Variants in IQGAP2 observed in about 807,000 individuals in gnomAD.
IQGAP2 encodes the protein IQ motif containing GTPase activating protein 2, also known as ras GTPase-activating-like protein IQGAP2.
Under a neutral mutation model 201.3 loss-of-function variants are expected in IQGAP2, and 173 were observed. That is an observed-to-expected ratio of 0.86 (90% confidence interval 0.76 to 0.98). The LOEUF is 0.98. Ranked by LOEUF, IQGAP2 falls within the 50% of genes least tolerant of loss-of-function variation. The pLI is 0.00. For synonymous variants in IQGAP2, 675 were observed against 673.9 expected (o/e 1.00, Z -0.03); for missense variants, 1,687 against 1,864.8 (o/e 0.90, Z 1.76).
intron 2 of IQGAP2, among the ~76,000 whole-genome samples, chr5:76,505,436 T>C (rs554545000): frequency 1.3e-5 from 2 of 152,340 alleles, no homozygotes; most frequent in South Asian, 4.1e-4. Context: ...TATTTGATTT[T>C]ACTGATAAAA....
At chr5:76,668,295 AAT>A (rs1426213797) in intron 22 of IQGAP2, among the ~76,000 whole-genome samples, 1 of 152,130 alleles carries the variant, frequency 6.6e-6, no homozygotes, top group Non-Finnish European at 1.5e-5. Context: ...AAGTAGATAT[AAT>A]ATGTTAAGTG....
In IQGAP2 at chr5:76,655,271, AT is replaced by A. The variant is rs5868834; in HGVS notation, c.2320+279del. On this transcript the variant is annotated intron_variant, in intron 20 of 35. Transcript: ENST00000274364. Reference sequence around the variant, plus strand: ...GAGAGTGGAGTTGGCATAAATGCTGATTTTTTTTTTTCAATCTAAGCGAGAG... The same window carrying A: ...GAGAGTGGAGTTGGCATAAATGCTGATTTTTTTTTTCAATCTAAGCGAGAG... Among the ~76,000 whole-genome samples the A allele has an allele frequency of 7.4e-4, 112 of 150,752 alleles. 1 individual carries two copies. Among genetic ancestry groups the A allele is most frequent in the African/African-American group, 2.1e-3 (86 of 41,110 alleles).
intron 5 of IQGAP2, among the ~76,000 whole-genome samples, chr5:76,580,068 G>A (rs1745734837): frequency 6.6e-6 from 1 of 152,142 alleles, no homozygotes; most frequent in South Asian, 2.1e-4. Context: ...GTGAGGTCAG[G>A]AGTTTAAGAT....
intron 2 of IQGAP2, among the ~76,000 whole-genome samples, chr5:76,466,261 G>A (rs1754771492): frequency 6.6e-6 from 1 of 152,152 alleles, no homozygotes; most frequent in African/African-American, 2.4e-5. Flanking sequence ...AGATCACTCA[G>A]GAGGCTGAGG....
intron 13 of IQGAP2, among the ~76,000 whole-genome samples, chr5:76,623,936 C>CTTTTTTTTT (rs368076875): frequency 6.0e-5 from 6 of 100,772 alleles, no homozygotes; most frequent in Non-Finnish European, 9.4e-5. Context: ...TTTGTTCAGG[C>CTTTTTTTTT]TTTTTTTTTT....
At chr5:76,609,588 G>A (rs1469502606) in intron 12 of IQGAP2, among the ~76,000 whole-genome samples, 1 of 152,042 alleles carries the variant, frequency 6.6e-6, no homozygotes, top group East Asian at 1.9e-4. Context: ...TGTCAAGCTG[G>A]AGATACTTTT....
intron 2 of IQGAP2, among the ~76,000 whole-genome samples, chr5:76,561,273 T>G (rs2150252522): frequency 6.6e-6 from 1 of 152,360 alleles, no homozygotes; most frequent in Non-Finnish European, 1.5e-5. Flanking sequence ...TAGTGCCTAA[T>G]AAATGGTCAG....
chr5:76,658,173 C>T (rs920945993), intron 20 of IQGAP2, among the ~76,000 whole-genome samples: 3 of 152,086 alleles, frequency 2.0e-5, no homozygotes, highest in East Asian at 1.9e-4. Flanking sequence ...ATCTTCTTAG[C>T]GCATGAGTCC....
chr5:76,471,076 A>G (rs1042024058), intron 2 of IQGAP2, among the ~76,000 whole-genome samples: 1 of 152,224 alleles, frequency 6.6e-6, no homozygotes, highest in African/African-American at 2.4e-5. Flanking sequence ...TAGGACAACT[A>G]TGCAAAAATG....
intron 3 of IQGAP2, among the ~76,000 whole-genome samples, chr5:76,566,432 A>C (rs1322221370): frequency 2.0e-5 from 3 of 152,140 alleles, no homozygotes; most frequent in Non-Finnish European, 2.9e-5. Context: ...ACTTGCCACA[A>C]GGAGGAAAAG....
At chr5:76,547,959 T>G (rs1743195835) in intron 2 of IQGAP2, among the ~76,000 whole-genome samples, 1 of 152,258 alleles carries the variant, frequency 6.6e-6, no homozygotes, top group African/African-American at 2.4e-5. Flanking sequence ...CACGCTGCTC[T>G]GTGGAGAACA....
chr5:76,581,752 C>T (rs1044929085), intron 5 of IQGAP2, among the ~76,000 whole-genome samples: 11 of 152,058 alleles, frequency 7.2e-5, no homozygotes, highest in African/African-American at 2.2e-4. Context: ...TGGTTTGGGG[C>T]TGAAAATTAG....
At chr5:76,509,953 A>G (rs1181165463) in intron 2 of IQGAP2, among the ~76,000 whole-genome samples, 1 of 148,368 alleles carries the variant, frequency 6.7e-6, no homozygotes, top group Non-Finnish European at 1.5e-5. Flanking sequence ...TCCTTTTCAC[A>G]CTGAATAGAT....
intron 17 of IQGAP2, 87 bp from the exon 18 acceptor site, chr5:76,652,663 G>C: frequency 1.1e-6 from 1 of 925,434 alleles, no homozygotes; most frequent in South Asian, 1.3e-5. Context: ...AGCTCCATGC[G>C]GCCTGAGATG....
intron 2 of IQGAP2, among the ~76,000 whole-genome samples, chr5:76,497,102 A>G (rs1314863603): frequency 1.3e-5 from 2 of 152,276 alleles, no homozygotes; most frequent in Non-Finnish European, 2.9e-5. Flanking sequence ...TGCTGGGATT[A>G]CAGGCATGAG....
At chr5:76,568,272 G>C (rs1329286001) in intron 3 of IQGAP2, among the ~76,000 whole-genome samples, 2 of 152,164 alleles carry the variant, frequency 1.3e-5, no homozygotes, top group African/African-American at 4.8e-5. Flanking sequence ...TTTCTTCAGT[G>C]CCTCTTAACA....
chr5:76,443,836 A>T (rs1407948849), intron 1 of IQGAP2, among the ~76,000 whole-genome samples: 1 of 152,226 alleles, frequency 6.6e-6, no homozygotes, highest in Non-Finnish European at 1.5e-5. Context: ...CTCTAGTTTC[A>T]TGAGATACTT....
chr5:76,452,549 T>G (rs1303220436), intron 1 of IQGAP2, among the ~76,000 whole-genome samples: 2 of 152,210 alleles, frequency 1.3e-5, no homozygotes, highest in Non-Finnish European at 2.9e-5. Flanking sequence ...AGCCTATAAT[T>G]TTACTTTTTA....
Position 76,429,894 on chromosome 5 carries a change from C to CAT in IQGAP2, c.46+26303_46+26304insAT, listed in dbSNP as rs1401698379. Among the ~76,000 whole-genome samples, 208 of 150,320 alleles carry CAT rather than the reference C, an allele frequency of 1.4e-3. 1 individual carries two copies. The highest frequency in any genetic ancestry group is 8.0e-3 in the South Asian group (38 of 4,758). Reference sequence around the variant, plus strand: ...ACACACACACACACACACACACACACGACTATTTCATTTGTATAGGATTTA... The same window carrying CAT: ...ACACACACACACACACACACACACACATGACTATTTCATTTGTATAGGATTTA... On this transcript the variant is annotated intron_variant, in intron 1 of 35. Coordinates refer to ENST00000274364, the MANE Select transcript of IQGAP2 (RefSeq NM_006633.5).
Sources: gnomAD v4.1 joint callset for allele counts (sites outside exome capture counted in the v4.1 genomes callset) on GRCh38, gnomAD v4.1.1 for gene constraint, MANE v1.5 for transcripts, NCBI Gene and HGNC (gene_info 2026-07-23, HGNC 2026-07-21) for gene names.